PTPRQ: variants seen among roughly 807,000 people sequenced by gnomAD.
PTPRQ encodes the protein protein tyrosine phosphatase receptor type Q.
A neutral mutation model predicts 246.0 loss-of-function variants in PTPRQ; 199 were observed. That is an observed-to-expected ratio of 0.81 (90% CI 0.72 to 0.91). The LOEUF is 0.91. Ranked by LOEUF, PTPRQ falls within the 40% of genes least tolerant of loss-of-function variation. The probability of loss-of-function intolerance (pLI) is 0.00; values close to 1 mark genes in which losing one functional copy is unlikely to be tolerated. For missense variants in PTPRQ, 2,624 were observed against 2,528.4 expected (o/e 1.04, Z -0.81); for synonymous variants, 869 against 853.2 (o/e 1.02, Z -0.32).
chr12:80,664,568 A>G (rs1900727901), intron 39 of PTPRQ, among the ~76,000 whole-genome samples: 1 of 152,052 alleles, frequency 6.6e-6, no homozygotes, highest in Non-Finnish European at 1.5e-5. Flanking sequence ...TTACATCATA[A>G]AAATATCTTG....
At chr12:80,593,513 C>A (rs1400423711) in intron 26 of PTPRQ, among the ~76,000 whole-genome samples, 2 of 152,122 alleles carry the variant, frequency 1.3e-5, no homozygotes, top group Non-Finnish European at 2.9e-5. Context: ...CTCAAGCTAA[C>A]CATTCTTTCT....
At chr12:80,571,945 A>T (rs1170895394) in intron 25 of PTPRQ, among the ~76,000 whole-genome samples, 1 of 152,060 alleles carries the variant, frequency 6.6e-6, no homozygotes, top group Non-Finnish European at 1.5e-5. Context: ...TCTTGAAATC[A>T]GTTTGTGTAA....
At chr12:80,649,506 T>C (rs1200644623) in intron 36 of PTPRQ, 82 bp from the exon 37 acceptor site, 33 of 1,475,826 alleles carry the variant, frequency 2.2e-5, no homozygotes, top group Non-Finnish European at 3.0e-5. Flanking sequence ...CTTTAACTTG[T>C]TAAAAGTGAA....
chr12:80,635,143 T>C, intron 35 of PTPRQ, 70 bp downstream of exon 35: 1 of 1,495,274 alleles, frequency 6.7e-7, no homozygotes, highest in Non-Finnish European at 8.9e-7. Flanking sequence ...TGACCTATGC[T>C]TGTTGGAAGT....
At chr12:80,484,036 T>C (rs5029106) in intron 8 of PTPRQ, among the ~76,000 whole-genome samples, 44,180 of 151,768 alleles carry the variant, frequency 0.29, 8,238 homozygotes, top group African/African-American at 0.53. Flanking sequence ...GATGGAGTCT[T>C]GCTCTTTCTT....
intron 3 of PTPRQ, among the ~76,000 whole-genome samples, chr12:80,452,591 T>A (rs925133922): frequency 6.6e-6 from 1 of 152,200 alleles, no homozygotes; most frequent in Admixed American, 6.5e-5. Flanking sequence ...CATTTGTTTG[T>A]CTATAATGGT....
chr12:80,586,015 GAGAATGA>G lies in PTPRQ; in HGVS notation c.4286-2113_4286-2107del, dbSNP rs562817002. Among the ~76,000 whole-genome samples the G allele has an allele frequency of 3.9e-3, 591 of 151,614 alleles. 8 individuals are homozygous for G. The highest frequency in any genetic ancestry group is 1.8e-3 in the Admixed American group (28 of 15,210). On this transcript the variant is annotated intron_variant, in intron 25 of 44. Transcript: ENST00000644991. ...TTTTTTGTTCTTGCGATAGTTTACT[GAGAATGA>G]TGATTTCCAATTTCACCCATGTCCC... is the stretch of plus-strand genomic sequence containing the variant.
intron 33 of PTPRQ, among the ~76,000 whole-genome samples, chr12:80,624,013 G>A (rs1258304634): frequency 6.6e-6 from 1 of 152,136 alleles, no homozygotes; most frequent in African/African-American, 2.4e-5. Flanking sequence ...CACAGTCAAG[G>A]TGGTGGAATA....
intron 17 of PTPRQ, among the ~76,000 whole-genome samples, chr12:80,513,340 A>G (rs994563070): frequency 6.6e-6 from 1 of 151,990 alleles, no homozygotes; most frequent in African/African-American, 2.4e-5. Context: ...TCACCCGCCA[A>G]ACTGTGCGTT....
At chr12:80,638,284 A>G (rs1182420396) in intron 35 of PTPRQ, among the ~76,000 whole-genome samples, 1 of 151,458 alleles carries the variant, frequency 6.6e-6, no homozygotes, top group Non-Finnish European at 1.5e-5. Context: ...AAAAAAAAAA[A>G]ATCTACCCAG....
At chr12:80,585,268 C>T (rs546129903) in intron 25 of PTPRQ, among the ~76,000 whole-genome samples, 1 of 152,142 alleles carries the variant, frequency 6.6e-6, no homozygotes, top group African/African-American at 2.4e-5. Flanking sequence ...ATCCATAAAC[C>T]TTAGGGCATT....
chr12:80,588,475 CATACTG>C, intron 26 of PTPRQ, 23 bp downstream of exon 26: 1 of 1,442,158 alleles, frequency 6.9e-7, no homozygotes, highest in Non-Finnish European at 9.1e-7. Context: ...CTGACATGTA[CATACTG>C]ATTTCTGTTA....
intron 30 of PTPRQ, among the ~76,000 whole-genome samples, chr12:80,617,268 C>T (rs1463123495): frequency 6.6e-6 from 1 of 150,974 alleles, no homozygotes; most frequent in Non-Finnish European, 1.5e-5. Flanking sequence ...CTGAAAAAAC[C>T]CTTAAGACCC....
intron 16 of PTPRQ, 50 bp downstream of exon 16, chr12:80,506,720 G>A (rs1184196937): frequency 6.8e-7 from 1 of 1,470,994 alleles, no homozygotes; most frequent in Non-Finnish European, 9.2e-7. Context: ...AACATTCCAA[G>A]AAACACACGT....
intron 24 of PTPRQ, 178 bp downstream of exon 24, chr12:80,546,875 T>G: frequency 1.6e-6 from 1 of 623,102 alleles, no homozygotes; most frequent in East Asian, 3.4e-5. Context: ...TATGTGTGTT[T>G]ATACATATAT....
chr12:80,490,575 T>C (rs1234826276), intron 9 of PTPRQ, among the ~76,000 whole-genome samples: 4 of 151,540 alleles, frequency 2.6e-5, no homozygotes. Flanking sequence ...CCAAGAAACA[T>C]GTGTTAATCT....
chr12:80,561,979 A>G (rs1896840738), intron 25 of PTPRQ, among the ~76,000 whole-genome samples: 1 of 152,108 alleles, frequency 6.6e-6, no homozygotes, highest in Admixed American at 6.6e-5. Flanking sequence ...TTTTTATCTT[A>G]AATGGGGGTT....
rs550140299 is a variant in PTPRQ at position 80,503,961 on chromosome 12, C to T, written c.2273-2063C>T. Among the ~76,000 whole-genome samples, 3 of 150,830 alleles carry T rather than the reference C, an allele frequency of 2.0e-5. No individual in the cohort carries two copies. In the East Asian group the frequency reaches 5.9e-4, roughly 29 times the overall value. On this transcript the variant is annotated intron_variant, in intron 14 of 44. Coordinates refer to ENST00000644991, the MANE Select transcript of PTPRQ (RefSeq NM_001145026.2). ...TGTAGAAGATTTTTTTTTTCTGGTA[C>T]TGTTAAGATGGTTCCTTTTTTGATA...
chr12:80,660,887 C>T (rs981446065), intron 39 of PTPRQ, among the ~76,000 whole-genome samples: 3 of 151,946 alleles, frequency 2.0e-5, no homozygotes, highest in Non-Finnish European at 2.9e-5. Flanking sequence ...TTTAGCATAG[C>T]CTTTGTCAGA....
Sources: allele counts gnomAD v4.1 joint callset (sites outside exome capture counted in the v4.1 genomes callset), GRCh38; gene constraint gnomAD v4.1.1; transcripts MANE v1.5; gene names NCBI Gene and HGNC (gene_info 2026-07-23, HGNC 2026-07-21).